NOL4: variants seen among roughly 807,000 people sequenced by gnomAD.
The protein encoded by NOL4 is cancer/testis antigen 125.
A neutral mutation model predicts 75.9 loss-of-function variants in NOL4; 17 were observed. The observed-to-expected ratio is 0.22, with a 90% CI of 0.15 to 0.34. The LOEUF (loss-of-function observed/expected upper bound fraction) is 0.34. NOL4 is among the 10% of genes least tolerant of loss of function. The pLI, the probability that NOL4 is intolerant of heterozygous loss-of-function variation, is 1.00. For missense variants in NOL4, 614 were observed against 793.5 expected, an observed-to-expected ratio of 0.77 and a Z score of 2.72; for synonymous variants, 292 against 289.9, an observed-to-expected ratio of 1.01 and a Z score of -0.07.
chr18:33,871,231 A>G (rs980299207), intron 10 of NOL4, among the ~76,000 whole-genome samples: 1 of 152,070 alleles, frequency 6.6e-6, no homozygotes, highest in Non-Finnish European at 1.5e-5. Context: ...AAAAACGAAG[A>G]CACATTTAGC....
chr18:33,911,145 A>T (rs1446865698), intron 9 of NOL4, among the ~76,000 whole-genome samples: 1 of 79,370 alleles, frequency 1.3e-5, no homozygotes, highest in Non-Finnish European at 2.6e-5. Context: ...CCTCCCCCCC[A>T]CCCCACCCTC....
In NOL4 at chr18:34,223,394, A is replaced by C; in HGVS notation, c.-141T>G. The C allele has an allele frequency of 8.3e-7, 1 of 1,204,902 alleles. No individual in the cohort carries two copies. The highest frequency in any genetic ancestry group is 2.5e-5 in the East Asian group (1 of 40,416). 74.6% of individuals were successfully genotyped at this position (1,204,902 alleles called of 1,614,324 possible). On this transcript the variant is annotated 5_prime_UTR_variant, in exon 1 of 11. Transcript: ENST00000261592. ...AGCGGGAGCCTGCTTTGGGTGGGGG[A>C]AGGGATGGGAAGAGGGGAGGAGGGT...
intron 5 of NOL4, among the ~76,000 whole-genome samples, chr18:34,057,909 A>C (rs2076897348): frequency 6.6e-6 from 1 of 152,238 alleles, no homozygotes; most frequent in South Asian, 2.1e-4. Flanking sequence ...GATTTAAAAA[A>C]TGCAGAGCAT....
intron 2 of NOL4, among the ~76,000 whole-genome samples, chr18:34,128,562 C>T (rs2080485956): frequency 6.6e-6 from 1 of 151,700 alleles, no homozygotes; most frequent in Admixed American, 6.6e-5. Flanking sequence ...AGAAGCTAGG[C>T]CATTATCATT....
chr18:33,962,479 A>G (rs1428178773), intron 6 of NOL4, among the ~76,000 whole-genome samples: 2 of 152,220 alleles, frequency 1.3e-5, no homozygotes, highest in African/African-American at 4.8e-5. Context: ...TTAAATTGAC[A>G]GTGTTCAAAA....
At chr18:33,942,933 A>C (rs992679901) in intron 9 of NOL4, 132 bp downstream of exon 9, 1 of 605,168 alleles carries the variant, frequency 1.7e-6, no homozygotes, top group African/African-American at 1.9e-5. Flanking sequence ...AATTCATATC[A>C]TAAGGACACA....
chr18:34,218,329 G>C (rs924557953), intron 1 of NOL4, among the ~76,000 whole-genome samples: 2 of 152,148 alleles, frequency 1.3e-5, no homozygotes, highest in Non-Finnish European at 2.9e-5. Context: ...AAATATATAC[G>C]AGTGCCAAAT....
intron 5 of NOL4, among the ~76,000 whole-genome samples, chr18:34,030,390 C>T (rs890966983): frequency 3.3e-5 from 5 of 152,072 alleles, no homozygotes; most frequent in Admixed American, 2.0e-4. Flanking sequence ...GGACAAAAGG[C>T]CTAATCTTCA....
chr18:33,915,439 G>T (rs1039754630), intron 9 of NOL4, among the ~76,000 whole-genome samples: 13 of 152,006 alleles, frequency 8.6e-5, no homozygotes, highest in Non-Finnish European at 1.6e-4. Context: ...TTTTGGTTGT[G>T]GTAGGAGAAT....
intron 10 of NOL4, among the ~76,000 whole-genome samples, chr18:33,880,319 G>GTT (rs1471671544): frequency 1.3e-5 from 2 of 151,502 alleles, no homozygotes; most frequent in Non-Finnish European, 2.9e-5. Flanking sequence ...GTGTGTGTGT[G>GTT]TGTGTGTGTG....
intron 6 of NOL4, among the ~76,000 whole-genome samples, chr18:33,997,618 C>A (rs1455692101): frequency 6.7e-6 from 1 of 149,946 alleles, no homozygotes; most frequent in Non-Finnish European, 1.5e-5. Flanking sequence ...AAAGTATACA[C>A]TTCGCATATA....
chr18:33,901,256 G>T (rs534155360), intron 9 of NOL4, among the ~76,000 whole-genome samples: 1 of 151,942 alleles, frequency 6.6e-6, no homozygotes, highest in Non-Finnish European at 1.5e-5. Flanking sequence ...CAAATAAGAC[G>T]AATACAAGAT....
chr18:34,002,861 C>T (rs2073811803), intron 6 of NOL4, among the ~76,000 whole-genome samples: 1 of 152,048 alleles, frequency 6.6e-6, no homozygotes, highest in Non-Finnish European at 1.5e-5. Context: ...CCATTAAGGG[C>T]TCACATTTTA....
chr18:34,105,830 A>C (rs558086923), intron 2 of NOL4, among the ~76,000 whole-genome samples: 1 of 152,100 alleles, frequency 6.6e-6, no homozygotes, highest in South Asian at 2.1e-4. Context: ...TGGCCTATAT[A>C]GAGCTTTGTT....
intron 6 of NOL4, among the ~76,000 whole-genome samples, chr18:33,971,992 C>T (rs1275127065): frequency 6.6e-6 from 1 of 151,590 alleles, no homozygotes; most frequent in Non-Finnish European, 1.5e-5. Context: ...ATGGTGAAGC[C>T]CCATCTCAAC....
intron 9 of NOL4, among the ~76,000 whole-genome samples, chr18:33,940,353 T>C (rs924223426): frequency 6.6e-6 from 1 of 152,044 alleles, no homozygotes; most frequent in Admixed American, 6.6e-5. Context: ...ATATACACCA[T>C]GGAATACTAT....
chr18:33,892,118 G>A (rs187807965), intron 9 of NOL4, among the ~76,000 whole-genome samples: 1 of 152,170 alleles, frequency 6.6e-6, no homozygotes, highest in East Asian at 1.9e-4. Flanking sequence ...ATTTTCCACT[G>A]GAAGCAAATT....
chr18:34,033,681 A>G (rs1432516872), intron 5 of NOL4, among the ~76,000 whole-genome samples: 1 of 152,154 alleles, frequency 6.6e-6, no homozygotes, highest in Non-Finnish European at 1.5e-5. Context: ...TTAGACATTC[A>G]GATATAGGAG....
At chr18:34,165,003 A>G (rs1600770662) in intron 1 of NOL4, among the ~76,000 whole-genome samples, 1 of 150,698 alleles carries the variant, frequency 6.6e-6, no homozygotes, top group East Asian at 2.0e-4. Flanking sequence ...AAAAAACCAA[A>G]CACCGCATAT....
Sources: allele counts gnomAD v4.1 joint callset (sites outside exome capture counted in the v4.1 genomes callset), GRCh38; gene constraint gnomAD v4.1.1; transcripts MANE v1.5; gene names NCBI Gene and HGNC (gene_info 2026-07-23, HGNC 2026-07-21).